The following NCAN variants were observed in gnomAD, a reference collection of about 807,000 sequenced individuals.
NCAN encodes neurocan, also known as neurocan core protein.
In NCAN, 47 loss-of-function variants were observed where a neutral mutation model predicts 121.8. That is an observed-to-expected ratio of 0.39 (90% CI 0.31 to 0.49). The LOEUF (loss-of-function observed/expected upper bound fraction) is 0.49, where lower values mean the gene tolerates loss of function less well. Among genes scored for constraint, NCAN ranks in the 20% least tolerant of loss-of-function variants. NCAN has a pLI of 0.92. For synonymous variants in NCAN, 633 were observed against 702.0 expected (o/e 0.90, Z 1.55); for missense variants, 1,517 against 1,773.4 (o/e 0.86, Z 2.60).
At chr19:19,242,138 T>C (rs2060905458) in intron 12 of NCAN, among the ~76,000 whole-genome samples, 1 of 151,606 alleles carries the variant, frequency 6.6e-6, no homozygotes. Flanking sequence ...GAGGTTGCAG[T>C]GAGCCAAGAT....
intron 13 of NCAN, among the ~76,000 whole-genome samples, chr19:19,247,318 A>G (rs1244014781): frequency 2.0e-5 from 3 of 152,058 alleles, no homozygotes; most frequent in Non-Finnish European, 2.9e-5. Context: ...CAGTGGCGCA[A>G]TCTCGGCTCA....
chr19:19,238,977 C>T (rs1005805345), intron 11 of NCAN, among the ~76,000 whole-genome samples: 3 of 152,048 alleles, frequency 2.0e-5, no homozygotes, highest in Non-Finnish European at 4.4e-5. Context: ...CTGTTTATTC[C>T]GTTTGCCACC....
intron 11 of NCAN, 79 bp from the exon 12 acceptor site, chr19:19,240,524 C>G (rs2060899474): frequency 1.4e-6 from 2 of 1,412,148 alleles, no homozygotes; most frequent in African/African-American, 2.8e-5. Context: ...CACACCCTAC[C>G]CCACCTCACC....
At chr19:19,245,147 G>T (rs535689726) in intron 12 of NCAN, among the ~76,000 whole-genome samples, 166 bp from the exon 13 acceptor site, 5 of 152,164 alleles carry the variant, frequency 3.3e-5, no homozygotes, top group Admixed American at 2.0e-4. Context: ...GGATTACAGT[G>T]GTGGCCCCCG....
rs1568596926 is a variant in NCAN, at chr19:19,226,616, C to G, written c.1203C>G (p.Thr401=). ...EPTLEEEEVV[T]PDFQEPLVSS... ...CCCTGGAGGAGGAAGAGGTGGTCAC[C>G]CCTGACTTCCAGGAGCCTCTGGTGT... Residue 401 remains threonine (T), a synonymous_variant, in exon 7 of 15, where the codon ACC becomes ACG. Transcript: ENST00000252575. The G allele has an allele frequency of 1.9e-6, 3 of 1,613,892 alleles. No homozygotes were observed. Among genetic ancestry groups the G allele is most frequent in the East Asian group, 2.2e-5 (1 of 44,866 alleles).
At position 19,225,213 on chromosome 19, in the gene NCAN, G is replaced by T; in HGVS notation, c.1015G>T (p.Ala339Ser). ...APGVRTVYRF[A>S]NRTGFPSPAE... Reference sequence around the variant, plus strand: ...GGGCGTGCGCACCGTCTACCGCTTCGCTAACCGGACCGGCTTCCCCTCACC... The same window carrying T: ...GGGCGTGCGCACCGTCTACCGCTTCTCTAACCGGACCGGCTTCCCCTCACC... The change falls in exon 6 of 15, where the codon GCT becomes TCT. Residue 339 changes from alanine to serine, a missense_variant. Transcript: ENST00000252575. The surrounding 1 kb of genome is among the most constrained non-coding windows in gnomAD (Gnocchi z 4.0). 6.4e-7 allele frequency: 1 copy of T among 1,572,020 alleles called. No individual in the cohort carries two copies. Among genetic ancestry groups the T allele is most frequent in the Non-Finnish European group, 8.5e-7 (1 of 1,169,590 alleles).
chr19:19,228,726 A>G, intron 8 of NCAN, 87 bp downstream of exon 8: 1 of 1,417,538 alleles, frequency 7.1e-7, no homozygotes, highest in East Asian at 2.4e-5. Context: ...GCAGGGAGGA[A>G]TGGTTGTCCC....
At chr19:19,223,887 C>G (rs953773400) in intron 3 of NCAN, 134 bp from the exon 4 acceptor site, 2 of 819,092 alleles carry the variant, frequency 2.4e-6, no homozygotes, top group African/African-American at 1.9e-5. Context: ...TCCCCACCCT[C>G]GACCCACACT....
In NCAN at chr19:19,227,659, T is replaced by G; in HGVS notation, c.2039T>G (p.Leu680Arg). The change falls in exon 8 of 15, where the codon CTG becomes CGG. Residue 680 changes from leucine (L) to arginine (R), a missense_variant. Leu to Arg is a moderately radical substitution (Grantham distance 102, BLOSUM62 -2). Coordinates refer to ENST00000252575, the MANE Select transcript of NCAN (RefSeq NM_004386.3). The surrounding 1 kb of genome is among the most constrained non-coding windows in gnomAD (Gnocchi z 4.2). ...SPAAETKVYS[L>R]PLSLTPTGQG... is the part of the protein sequence containing the mutation. ...GCTGCAGAGACCAAGGTGTATTCCC[T>G]GCCTCTCTCTTTGACCCCAACAGGA... is the stretch of plus-strand genomic sequence containing the variant. 6.2e-7 allele frequency: 1 copy of G among 1,614,014 alleles called. No homozygotes were observed. Among genetic ancestry groups the G allele is most frequent in the South Asian group, 1.1e-5 (1 of 91,078 alleles).
chr19:19,230,436 C>G (rs2060854022), intron 8 of NCAN, among the ~76,000 whole-genome samples: 2 of 141,532 alleles, frequency 1.4e-5, no homozygotes, highest in African/African-American at 5.3e-5. Flanking sequence ...AAGGGTCTCA[C>G]TCTGTCACCT....
Position 19,245,170 on chromosome 19 carries a change from G to C in NCAN, c.3493-143G>C, listed in dbSNP as rs1390889893. 3.9e-5 allele frequency: 39 copies of C among 1,008,200 alleles called. No individual in the cohort carries two copies. In the East Asian group the frequency reaches 1.0e-3, roughly 27 times the overall value. 62.5% of individuals were successfully genotyped at this position (1,008,200 alleles called of 1,614,324 possible). A position where few individuals can be genotyped will look rare whatever the true frequency, so the allele number is the denominator to read the frequency against. On this transcript the variant is annotated intron_variant, in intron 12 of 14. Coordinates refer to ENST00000252575, the MANE Select transcript of NCAN (RefSeq NM_004386.3). ...GTGGTGGCCCCCGTCAGGATGGGCA[G>C]GACAGTGGCCATTGTAGAGATGGGA...
intron 8 of NCAN, among the ~76,000 whole-genome samples, chr19:19,233,389 C>T (rs1341847072): frequency 3.9e-5 from 6 of 152,050 alleles, no homozygotes; most frequent in African/African-American, 1.2e-4. Context: ...TCCTGTGCCC[C>T]AATTCATGAG....
chr19:19,226,990 T>A lies in NCAN; in HGVS notation c.1577T>A (p.Met526Lys). Reference protein sequence around the residue: ...AVNQMEPPLAMAVTEMLGSGQ... With the variant: ...AVNQMEPPLAKAVTEMLGSGQ... The stretch of plus-strand genomic sequence containing the variant: ...AACCAAATGGAGCCTCCGTTGGCCA[T>A]GGCAGTCACAGAGATGTTGGGCAGT... Residue 526 changes from methionine to lysine, a missense_variant, in exon 7 of 15, where the codon ATG becomes AAG. Met to Lys is a moderately conservative substitution (Grantham distance 95). Transcript: ENST00000252575. The A allele has an allele frequency of 6.5e-7, 1 of 1,535,078 alleles. No homozygotes were observed. The highest frequency in any genetic ancestry group is 2.3e-5 in the East Asian group (1 of 44,184).
rs1456175572 is a variant in NCAN at position 19,227,689 on chromosome 19, G to A, written c.2069G>A (p.Gly690Asp). 1.2e-6 allele frequency: 2 copies of A among 1,614,030 alleles called. No homozygotes were observed. The highest frequency in any genetic ancestry group is 3.3e-5 in the Admixed American group (2 of 60,020). The stretch of plus-strand genomic sequence containing the variant: ...CTCTCTTTGACCCCAACAGGACAGG[G>A]TGGAGAGGCCATGCCCACAACACCT... ...LPLSLTPTGQ[G>D]GEAMPTTPES... Residue 690 changes from glycine to aspartate, a missense_variant, in exon 8 of 15, where the codon GGT becomes GAT. By Grantham distance (94) the Gly-to-Asp change is moderately conservative. Coordinates refer to ENST00000252575, the MANE Select transcript of NCAN (RefSeq NM_004386.3). This position sits in a 1 kb window ranked among gnomAD's most constrained non-coding sequence, Gnocchi z 4.2.
intron 5 of NCAN, 27 bp downstream of exon 5, chr19:19,224,460 C>A (rs752188059): frequency 6.2e-7 from 1 of 1,605,988 alleles, no homozygotes; most frequent in South Asian, 1.1e-5. Flanking sequence ...CAGGACCCGG[C>A]CCCTCCGCCT....
At chr19:19,219,367 G>C in intron 3 of NCAN, 51 bp downstream of exon 3, 1 of 1,436,012 alleles carries the variant, frequency 7.0e-7, no homozygotes, top group South Asian at 1.4e-5. Flanking sequence ...GGAGGGCTGA[G>C]CCTGGAGCCC....
chr19:19,228,082 A>G lies in NCAN; in HGVS notation c.2462A>G (p.Asp821Gly), dbSNP rs771043456. 1 of 1,613,516 alleles carries G rather than the reference A, an allele frequency of 6.2e-7. No individual in the cohort carries two copies. Among genetic ancestry groups the G allele is most frequent in the Non-Finnish European group, 8.5e-7 (1 of 1,179,996 alleles). ...AATTTGGAGCCTTGGGTTGCTACAG[A>G]TGAAGGACCCACTGTGAATCCCATG... is the stretch of plus-strand genomic sequence containing the variant. The part of the protein sequence containing the change: ...TPNLEPWVAT[D>G]EGPTVNPMDS... The change falls in exon 8 of 15, where the codon GAT (aspartate) becomes GGT (glycine). Residue 821 changes from aspartate (D) to glycine (G), a missense_variant. Asp to Gly is a moderately conservative substitution (Grantham distance 94). Transcript: ENST00000252575.
At chr19:19,236,830 G>C (rs982067042) in intron 10 of NCAN, among the ~76,000 whole-genome samples, 4 of 151,824 alleles carry the variant, frequency 2.6e-5, no homozygotes, top group African/African-American at 7.3e-5. Flanking sequence ...CCAGGCTCAA[G>C]CGATTCTCTT....
chr19:19,215,316 T>G (rs2060792525), intron 1 of NCAN, among the ~76,000 whole-genome samples: 2 of 152,238 alleles, frequency 1.3e-5, no homozygotes, highest in South Asian at 4.1e-4. Context: ...ATGTTCTAAT[T>G]TTCCATCTGC....
Sources: allele counts gnomAD v4.1 joint callset (sites outside exome capture counted in the v4.1 genomes callset), GRCh38; gene constraint gnomAD v4.1.1; non-coding constraint Gnocchi (gnomAD v3.1); transcripts MANE v1.5; gene names NCBI Gene and HGNC (gene_info 2026-07-23, HGNC 2026-07-21).